Variants in PACS1 observed in about 807,000 individuals in gnomAD.
PACS1 encodes the protein PACS-1.
PACS1 carries 24 observed loss-of-function variants against 115.0 expected under a neutral mutation model. The observed-to-expected ratio is 0.21, with a 90% CI of 0.15 to 0.29. The LOEUF (loss-of-function observed/expected upper bound fraction) is 0.29. Among genes scored for constraint, PACS1 ranks in the 10% least tolerant of loss-of-function variants. The probability of loss-of-function intolerance (pLI) is 1.00; values close to 1 mark genes in which losing one functional copy is unlikely to be tolerated. For synonymous variants in PACS1, 453 were observed against 504.5 expected (o/e 0.90, Z 1.37); for missense variants, 838 against 1,251.2 (o/e 0.67, Z 4.98).
At chr11:66,140,498 G>A (rs771980143) in intron 1 of PACS1, among the ~76,000 whole-genome samples, 2 of 152,080 alleles carry the variant, frequency 1.3e-5, no homozygotes, top group South Asian at 2.1e-4. Flanking sequence ...CTGCCGTCAC[G>A]GTGCATGGCT....
chr11:66,208,936 G>T (rs945007753), intron 2 of PACS1, among the ~76,000 whole-genome samples: 20 of 151,806 alleles, frequency 1.3e-4, no homozygotes, highest in Non-Finnish European at 2.5e-4. Context: ...ATGTTGTGGG[G>T]TTTTTTTTAT....
chr11:66,156,254 A>G (rs1859357591), intron 1 of PACS1, among the ~76,000 whole-genome samples: 1 of 82,184 alleles, frequency 1.2e-5, no homozygotes, highest in African/African-American at 4.9e-5. Flanking sequence ...ATATATATAT[A>G]GTTTTTTTTT....
chr11:66,162,545 C>T (rs1156342018), intron 1 of PACS1, among the ~76,000 whole-genome samples: 5 of 152,202 alleles, frequency 3.3e-5, no homozygotes, highest in Non-Finnish European at 1.5e-5. Context: ...CCAGCAGCCA[C>T]TGGGGGCTGG....
chr11:66,131,272 C>A (rs1224502995), intron 1 of PACS1, among the ~76,000 whole-genome samples: 2 of 152,144 alleles, frequency 1.3e-5, no homozygotes, highest in Non-Finnish European at 2.9e-5. Context: ...TAGTATTTGA[C>A]TTTAAAACTT....
intron 1 of PACS1, among the ~76,000 whole-genome samples, chr11:66,096,209 C>CTTTTTTTTTT (rs66569530): frequency 1.1e-3 from 131 of 119,456 alleles, no homozygotes; most frequent in Non-Finnish European, 1.3e-3. Flanking sequence ...CTTTTTCTTT[C>CTTTTTTTTTT]TTTTTTTTTT....
intron 4 of PACS1, among the ~76,000 whole-genome samples, chr11:66,214,845 C>G (rs1157767172): frequency 6.6e-6 from 1 of 151,756 alleles, no homozygotes; most frequent in Non-Finnish European, 1.5e-5. Context: ...TGGTCTCAAA[C>G]TCCTGGACTC....
At chr11:66,132,809 C>G (rs566144652) in intron 1 of PACS1, among the ~76,000 whole-genome samples, 1 of 152,174 alleles carries the variant, frequency 6.6e-6, no homozygotes, top group Non-Finnish European at 1.5e-5. Context: ...GCTGGGATTA[C>G]AGGCACATGC....
chr11:66,210,591 T>C (rs1191971578), intron 3 of PACS1, 140 bp downstream of exon 3: 7 of 694,318 alleles, frequency 1.0e-5, no homozygotes, highest in Non-Finnish European at 1.8e-5. Context: ...ACCTGGAGGT[T>C]TATGGCTGGC....
intron 1 of PACS1, among the ~76,000 whole-genome samples, chr11:66,071,232 A>G (rs895838992): frequency 1.3e-5 from 2 of 152,144 alleles, no homozygotes; most frequent in East Asian, 1.9e-4. Context: ...TTATTTCCCA[A>G]TAGACTCAGC....
At chr11:66,127,906 G>A (rs144832901) in intron 1 of PACS1, among the ~76,000 whole-genome samples, 3 of 152,332 alleles carry the variant, frequency 2.0e-5, no homozygotes, top group Admixed American at 2.0e-4. Context: ...CAGCCTTGCT[G>A]CTAAAGTAGA....
Position 66,243,524 on chromosome 11 carries a change from G to A in PACS1, c.*244G>A, listed in dbSNP as rs1034642508. 5.6e-6 allele frequency: 3 copies of A among 536,044 alleles called. No individual in the cohort carries two copies. The highest frequency in any genetic ancestry group is 3.2e-5 in the Admixed American group (1 of 31,498). The allele number at this position is 536,044 out of a possible 1,614,324, so 33.2% of individuals were successfully genotyped here. A position where few individuals can be genotyped will look rare whatever the true frequency, so the allele number is the denominator to read the frequency against. On this transcript the variant is annotated 3_prime_UTR_variant, in exon 24 of 24. Transcript: ENST00000320580. ...CTTCTCCCTCCTGCTCCAGGCCCAA[G>A]GCGTGTTGGTTTTGCCTTCTGGTGC... is the stretch of plus-strand genomic sequence containing the variant.
At chr11:66,166,405 C>G (rs1015355894) in intron 1 of PACS1, among the ~76,000 whole-genome samples, 23 of 152,310 alleles carry the variant, frequency 1.5e-4, no homozygotes, top group Non-Finnish European at 2.6e-4. Flanking sequence ...CCTTGGCCTC[C>G]CAAGGTGCTG....
chr11:66,207,678 C>T (rs1292733467), intron 2 of PACS1, among the ~76,000 whole-genome samples: 1 of 152,096 alleles, frequency 6.6e-6, no homozygotes, highest in East Asian at 1.9e-4. Flanking sequence ...CTGTGTGCTT[C>T]TGCTGATGTT....
At chr11:66,202,819 A>T (rs1293033801) in intron 2 of PACS1, among the ~76,000 whole-genome samples, 1 of 146,706 alleles carries the variant, frequency 6.8e-6, no homozygotes, top group Non-Finnish European at 1.5e-5. Flanking sequence ...ACAAGGCTTC[A>T]TGATAAAAAT....
At chr11:66,228,473 A>T (rs894259768) in intron 11 of PACS1, among the ~76,000 whole-genome samples, 9 of 152,200 alleles carry the variant, frequency 5.9e-5, no homozygotes, top group African/African-American at 2.2e-4. Flanking sequence ...GTTCACCAGT[A>T]ATCTGAATAA....
rs1411115674 is a variant in PACS1 at position 66,210,503 on chromosome 11, C to T, written c.534+52C>T. ...TAACATGCTATATCCTGGCTAGTCC[C>T]CAGACAGTCCTCTAACCCAGAGACT... On this transcript the variant is annotated intron_variant, in intron 3 of 23. Coordinates refer to ENST00000320580, the MANE Select transcript of PACS1 (RefSeq NM_018026.4). 2.4e-6 allele frequency: 3 copies of T among 1,254,316 alleles called. No individual in the cohort carries two copies. In the East Asian group the frequency reaches 6.9e-5, roughly 29 times the overall value. 77.7% of individuals were successfully genotyped at this position (1,254,316 alleles called of 1,614,324 possible).
At chr11:66,100,932 G>T (rs905395637) in intron 1 of PACS1, 1 of 456,124 alleles carries the variant, frequency 2.2e-6, no homozygotes, top group Non-Finnish European at 4.4e-6. Flanking sequence ...GCTGGCGGAA[G>T]CCTCAGTGCC....
Position 66,233,150 on chromosome 11 carries a change from A to T in PACS1, c.1838+84A>T. ...AACCCTGACTTCTAAGCAATGATAGACCCTCCTGGCCTCATCAGACCAAGA... is the reference window on the plus strand; with the variant it reads ...AACCCTGACTTCTAAGCAATGATAGTCCCTCCTGGCCTCATCAGACCAAGA... On this transcript the variant is annotated intron_variant, in intron 15 of 23. Transcript: ENST00000320580. This position sits in a 1 kb window ranked among gnomAD's most constrained non-coding sequence, Gnocchi z 4.5. 1 of 1,054,918 alleles carries T rather than the reference A, an allele frequency of 9.5e-7. No individual in the cohort carries two copies. Among genetic ancestry groups the T allele is most frequent in the Admixed American group, 1.8e-5 (1 of 55,696 alleles). 65.3% of individuals were successfully genotyped at this position (1,054,918 alleles called of 1,614,324 possible). A position where few individuals can be genotyped will look rare whatever the true frequency, so the allele number is the denominator to read the frequency against.
intron 1 of PACS1, among the ~76,000 whole-genome samples, chr11:66,115,746 T>C (rs1326667193): frequency 6.6e-6 from 1 of 152,254 alleles, no homozygotes. Context: ...TGTTTTTCTT[T>C]CGTATTAGCT....
Sources: allele counts gnomAD v4.1 joint callset (sites outside exome capture counted in the v4.1 genomes callset), GRCh38; gene constraint gnomAD v4.1.1; non-coding constraint Gnocchi (gnomAD v3.1); transcripts MANE v1.5; gene names NCBI Gene and HGNC (gene_info 2026-07-23, HGNC 2026-07-21).